The following RIMS2 variants were observed in gnomAD, a reference collection of about 807,000 sequenced individuals.
The protein encoded by RIMS2 is regulating synaptic membrane exocytosis 2.
A neutral mutation model predicts 174.4 loss-of-function variants in RIMS2; 59 were observed. The ratio of observed to expected loss-of-function variants is 0.34; its 90% CI spans 0.27 to 0.42. RIMS2 has a LOEUF of 0.42. Ranked by LOEUF, RIMS2 falls within the 10% of genes least tolerant of loss-of-function variation. The probability of loss-of-function intolerance (pLI) is 1.00; values close to 1 mark genes in which losing one functional copy is unlikely to be tolerated. For synonymous variants in RIMS2, 606 were observed against 572.5 expected, an observed-to-expected ratio of 1.06 and a Z score of -0.84; for missense variants, 1,620 against 1,666.3, an observed-to-expected ratio of 0.97 and a Z score of 0.48.
chr8:103,753,338 A>G (rs1013621660), intron 2 of RIMS2, among the ~76,000 whole-genome samples: 1 of 152,178 alleles, frequency 6.6e-6, no homozygotes, highest in African/African-American at 2.4e-5. Context: ...TCAGTTTGCC[A>G]GTGTTTTATT....
At position 103,792,916 on chromosome 8, in the gene RIMS2, G is replaced by A. The variant is rs578099220; in HGVS notation, c.698+26379G>A. On this transcript the variant is annotated intron_variant, in intron 3 of 23. Transcript: ENST00000504942. ...GAATCCCTGAATAGACCAATAACAG[G>A]CTCTGAAATTGAGGCAATAATTAAT... 3.3e-5 allele frequency among the ~76,000 whole-genome samples: 5 copies of A among 152,124 alleles called. No individual in the cohort carries two copies. The East Asian group carries it at 9.7e-4, about 29-fold the overall frequency.
intron 19 of RIMS2, among the ~76,000 whole-genome samples, chr8:104,163,443 C>T (rs895600299): frequency 6.6e-6 from 1 of 152,112 alleles, no homozygotes; most frequent in Non-Finnish European, 1.5e-5. Flanking sequence ...GTCAACATTA[C>T]GAAGCTTGCC....
chr8:103,974,319 T>G (rs1476214857), intron 15 of RIMS2, among the ~76,000 whole-genome samples: 1 of 152,186 alleles, frequency 6.6e-6, no homozygotes, highest in Non-Finnish European at 1.5e-5. Context: ...AATGGAACAC[T>G]TTTTTAAAGT....
chr8:103,590,075 A>G (rs1359616151), intron 1 of RIMS2, among the ~76,000 whole-genome samples: 1 of 151,420 alleles, frequency 6.6e-6, no homozygotes, highest in African/African-American at 2.4e-5. Context: ...GAAATAACTT[A>G]GAGGGTAATT....
chr8:103,726,199 T>G (rs558963084), intron 2 of RIMS2, among the ~76,000 whole-genome samples: 2 of 152,290 alleles, frequency 1.3e-5, no homozygotes, highest in African/African-American at 4.8e-5. Context: ...CATCATAAGT[T>G]AAAGACATAG....
chr8:104,016,285 A>G (rs1428340057), intron 19 of RIMS2, among the ~76,000 whole-genome samples: 2 of 152,100 alleles, frequency 1.3e-5, no homozygotes, highest in Admixed American at 1.3e-4. Flanking sequence ...ACAAAGTACC[A>G]CTAAAATAAT....
chr8:104,013,508 T>G, exon 18 of RIMS2: 4 of 1,613,756 alleles, frequency 2.5e-6, no homozygotes, highest in Non-Finnish European at 3.4e-6. Flanking sequence ...GGCCTCTCCT[T>G]GAGCGGACCA....
At chr8:104,013,533 T>G in exon 18 of RIMS2, 2 of 1,613,788 alleles carry the variant, frequency 1.2e-6, no homozygotes, top group Non-Finnish European at 1.7e-6. Flanking sequence ...CCGCTCCAGA[T>G]CCACTGAACG....
chr8:103,953,334 T>C (rs973894997), intron 14 of RIMS2, among the ~76,000 whole-genome samples: 1 of 152,150 alleles, frequency 6.6e-6, no homozygotes, highest in Non-Finnish European at 1.5e-5. Flanking sequence ...GGAAAAACTG[T>C]TAAGGGCAGC....
chr8:103,648,937 A>G (rs2096397203), intron 1 of RIMS2, among the ~76,000 whole-genome samples: 1 of 152,110 alleles, frequency 6.6e-6, no homozygotes, highest in African/African-American at 2.4e-5. Context: ...TAGCCCATTT[A>G]TATTTAAGGT....
chr8:104,194,463 A>T (rs1244335955), intron 19 of RIMS2, among the ~76,000 whole-genome samples: 1 of 152,218 alleles, frequency 6.6e-6, no homozygotes, highest in Non-Finnish European at 1.5e-5. Context: ...TTTGAGCTAT[A>T]CTACATATAA....
intron 1 of RIMS2, among the ~76,000 whole-genome samples, chr8:103,572,779 A>T (rs984653025): frequency 6.6e-5 from 10 of 152,014 alleles, no homozygotes; most frequent in African/African-American, 2.4e-5. Context: ...CAATTTATTT[A>T]AGTTCCTTAT....
chr8:104,159,553 A>C (rs1194363108), intron 19 of RIMS2, among the ~76,000 whole-genome samples: 18 of 152,102 alleles, frequency 1.2e-4, no homozygotes, highest in Non-Finnish European at 2.6e-4. Flanking sequence ...CAAGAGTTCC[A>C]ATTTCTTCAG....
At chr8:103,529,630 G>A (rs776124007) in intron 1 of RIMS2, among the ~76,000 whole-genome samples, 16 of 152,106 alleles carry the variant, frequency 1.1e-4, no homozygotes, top group East Asian at 1.9e-4. Flanking sequence ...CTGCACCCAC[G>A]GTCCTGCACC....
chr8:103,573,916 C>A (rs1035563873), intron 1 of RIMS2, among the ~76,000 whole-genome samples: 2 of 152,182 alleles, frequency 1.3e-5, no homozygotes, highest in African/African-American at 4.8e-5. Flanking sequence ...TTATAGAGAT[C>A]TTTCACCTAT....
intron 3 of RIMS2, among the ~76,000 whole-genome samples, chr8:103,827,061 A>G (rs1375196578): frequency 6.6e-6 from 1 of 152,114 alleles, no homozygotes; most frequent in African/African-American, 2.4e-5. Flanking sequence ...ATTTTTGTAG[A>G]TTGATTTGGG....
chr8:104,011,998 T>C (rs2095777309), intron 17 of RIMS2, among the ~76,000 whole-genome samples: 2 of 152,010 alleles, frequency 1.3e-5, no homozygotes. Flanking sequence ...AAGACAGCTG[T>C]GATATTTACA....
At chr8:103,950,652 A>T (rs1262570102) in intron 14 of RIMS2, among the ~76,000 whole-genome samples, 1 of 152,188 alleles carries the variant, frequency 6.6e-6, no homozygotes, top group African/African-American at 2.4e-5. Context: ...AATAAAGAAC[A>T]TGTATCAAAC....
intron 19 of RIMS2, among the ~76,000 whole-genome samples, chr8:104,179,714 T>G (rs1019389832): frequency 6.7e-6 from 1 of 149,114 alleles, no homozygotes; most frequent in Non-Finnish European, 1.5e-5. Context: ...TATTACCTTG[T>G]TTTTTTTTTC....
Sources: allele counts gnomAD v4.1 joint callset (sites outside exome capture counted in the v4.1 genomes callset), GRCh38; gene constraint gnomAD v4.1.1; transcripts MANE v1.5; gene names NCBI Gene and HGNC (gene_info 2026-07-23, HGNC 2026-07-21).